Variants in DNAI1 observed in about 807,000 individuals in gnomAD.
DNAI1 encodes dynein axonemal intermediate chain 1, also known as dynein, axonemal, intermediate polypeptide 1.
DNAI1 carries 67 observed loss-of-function variants against 92.0 expected under a neutral mutation model. The observed-to-expected ratio is 0.73, with a 90% CI of 0.60 to 0.89. The LOEUF (loss-of-function observed/expected upper bound fraction) is 0.89. Among genes scored for constraint, DNAI1 ranks in the 40% least tolerant of loss-of-function variants. The pLI is 0.00. For missense variants in DNAI1, 839 were observed against 866.6 expected, an observed-to-expected ratio of 0.97 and a Z score of 0.40; for synonymous variants, 323 against 319.6, an observed-to-expected ratio of 1.01 and a Z score of -0.11.
At chr9:34,477,742 A>C (rs1415549646) in intron 1 of DNAI1, among the ~76,000 whole-genome samples, 2 of 152,104 alleles carry the variant, frequency 1.3e-5, no homozygotes, top group African/African-American at 4.8e-5. Context: ...GGTACACTTG[A>C]GTGAGAGGGG....
chr9:34,459,454 T>C (rs576887853), intron 1 of DNAI1, among the ~76,000 whole-genome samples: 33 of 151,310 alleles, frequency 2.2e-4, no homozygotes, highest in African/African-American at 6.8e-4. Context: ...TTCTTTCTTT[T>C]TTTTTTTTTG....
intron 13 of DNAI1, among the ~76,000 whole-genome samples, chr9:34,510,266 G>T (rs1172351871): frequency 6.6e-6 from 1 of 152,220 alleles, no homozygotes; most frequent in Non-Finnish European, 1.5e-5. Context: ...CCACAGCACA[G>T]GCTTCTTCTC....
At chr9:34,495,371 C>T (rs566535220) in intron 9 of DNAI1, among the ~76,000 whole-genome samples, 2 of 152,240 alleles carry the variant, frequency 1.3e-5, no homozygotes, top group African/African-American at 4.8e-5. Context: ...AGAGCATGGA[C>T]CCTGGAACCT....
At chr9:34,464,361 C>A (rs1482043611) in intron 1 of DNAI1, among the ~76,000 whole-genome samples, 3 of 152,186 alleles carry the variant, frequency 2.0e-5, no homozygotes, top group Non-Finnish European at 2.9e-5. Context: ...TGAGACCTAC[C>A]TGGGTCTCTA....
At position 34,517,377 on chromosome 9, in the gene DNAI1, C is replaced by T. The variant is rs1825189433; in HGVS notation, c.1911C>T (p.Phe637=). The T allele has an allele frequency of 4.3e-6, 7 of 1,614,084 alleles. No homozygotes were observed. The highest frequency in any genetic ancestry group is 5.9e-6 in the Non-Finnish European group (7 of 1,180,048). ...AKKNRLTHVQ[F]NLIHPIIIVG... is the part of the protein sequence containing the mutation. Reference sequence around the variant, plus strand: ...AGAACAGGCTCACCCACGTGCAGTTCAATCTCATCCACCCCATCATCATTG... The same window carrying T: ...AGAACAGGCTCACCCACGTGCAGTTTAATCTCATCCACCCCATCATCATTG... The change falls in exon 19 of 20, where the codon TTC becomes TTT. Residue 637 remains phenylalanine, a synonymous_variant. Coordinates refer to ENST00000242317, the MANE Select transcript of DNAI1 (RefSeq NM_012144.4).
intron 13 of DNAI1, among the ~76,000 whole-genome samples, chr9:34,511,858 T>C (rs563009980): frequency 1.3e-5 from 2 of 152,132 alleles, no homozygotes; most frequent in East Asian, 3.9e-4. Flanking sequence ...AGCCAGTAAA[T>C]TAAGGCAATG....
rs397515563 is a variant in DNAI1, at chr9:34,517,468, G to A, written c.2001+1G>A. The A allele has an allele frequency of 6.2e-7, 1 of 1,614,192 alleles. No individual in the cohort carries two copies. Among genetic ancestry groups the A allele is most frequent in the Non-Finnish European group, 8.5e-7 (1 of 1,180,026 alleles). ...ACCCAATTTGCGCAAGATGCCAAAG[G>A]TACAGGCTCTGGGACTTTGAGCTGC... On this transcript the variant is annotated splice_donor_variant, in intron 19 of 19. Transcript: ENST00000242317. LOFTEE classifies it high-confidence loss of function.
chr9:34,492,495 T>TAGATATAGATATAG (rs1182075090), intron 8 of DNAI1, among the ~76,000 whole-genome samples: 47 of 19,044 alleles, frequency 2.5e-3, no homozygotes, highest in Middle Eastern at 0.02. Context: ...GATATGAAGA[T>TAGATATAGATATAG]ATATATATAT....
At chr9:34,492,535 T>TCTA (rs1425684909) in intron 8 of DNAI1, among the ~76,000 whole-genome samples, 1 of 131,902 alleles carries the variant, frequency 7.6e-6, no homozygotes, top group African/African-American at 2.8e-5. Flanking sequence ...TATATATATA[T>TCTA]TTGAGACAAG....
rs752863173 is a variant in DNAI1 at position 34,492,493 on chromosome 9, GATATATATATATATATATATATATATAT to G, written c.682-686_682-659del. 2.9e-3 allele frequency among the ~76,000 whole-genome samples: 195 copies of G among 68,258 alleles called. 1 individual carries two copies. In the Middle Eastern group the frequency reaches 0.035, roughly 12 times the overall value. The allele number at this position is 68,258 out of a possible 152,430, so 44.8% of individuals were successfully genotyped here. On this transcript the variant is annotated intron_variant, in intron 8 of 19. Transcript: ENST00000242317. Reference sequence around the variant, plus strand: ...TCCGGGGTGGGGGTGGGGATATGAAGATATATATATATATATATATATATATATATATATATATATATTTGAGACAAGG... The same window carrying G: ...TCCGGGGTGGGGGTGGGGATATGAAGATATATATATATATTTGAGACAAGG...
At chr9:34,509,113 G>A (rs139781658) in intron 13 of DNAI1, among the ~76,000 whole-genome samples, 3,651 of 152,254 alleles carry the variant, frequency 0.024, 58 homozygotes, top group Non-Finnish European at 0.038. Context: ...GCAGGGCAGC[G>A]TGCTAAGTGC....
chr9:34,520,566 C>A, intron 19 of DNAI1, 92 bp from the exon 20 acceptor site: 1 of 1,196,790 alleles, frequency 8.4e-7, no homozygotes, highest in Non-Finnish European at 1.2e-6. Flanking sequence ...GGGTAGGGCA[C>A]AGCTGGACAG....
intron 2 of DNAI1, among the ~76,000 whole-genome samples, chr9:34,484,216 AATAAATAAAT>A (rs1824429145): frequency 6.6e-6 from 1 of 152,214 alleles, no homozygotes; most frequent in Non-Finnish European, 1.5e-5. Flanking sequence ...CTCCATCTCA[AATAAATAAAT>A]AAAAATAAAT....
At chr9:34,464,365 G>A (rs922184854) in intron 1 of DNAI1, among the ~76,000 whole-genome samples, 1 of 152,096 alleles carries the variant, frequency 6.6e-6, no homozygotes, top group African/African-American at 2.4e-5. Flanking sequence ...ACCTACCTGG[G>A]TCTCTATACC....
intron 1 of DNAI1, among the ~76,000 whole-genome samples, chr9:34,468,945 T>C (rs72735231): frequency 0.05 from 7,549 of 152,138 alleles, 273 homozygotes; most frequent in Non-Finnish European, 0.065. Flanking sequence ...ATATATGTAT[T>C]TGGAACATGG....
At position 34,493,348 on chromosome 9, in the gene DNAI1, A is replaced by G. The variant is rs1824649518; in HGVS notation, c.816+20A>G. On this transcript the variant is annotated intron_variant, in intron 9 of 19. Transcript: ENST00000242317. Reference sequence around the variant, plus strand: ...TCTCAGGTTTGGTGTTAGTTCCTACAGCTCTGCCACAGAATTTCTGAATGA... The same window carrying G: ...TCTCAGGTTTGGTGTTAGTTCCTACGGCTCTGCCACAGAATTTCTGAATGA... 3 of 1,614,030 alleles carry G rather than the reference A, an allele frequency of 1.9e-6. No homozygotes were observed. The highest frequency in any genetic ancestry group is 1.7e-4 in the Middle Eastern group (1 of 6,050).
intron 1 of DNAI1, among the ~76,000 whole-genome samples, chr9:34,481,353 G>T (rs1824350329): frequency 6.6e-6 from 1 of 152,216 alleles, no homozygotes; most frequent in Admixed American, 6.5e-5. Context: ...TAAATTCCCA[G>T]TGCTAAGTTA....
At chr9:34,464,049 T>C (rs943808633) in intron 1 of DNAI1, among the ~76,000 whole-genome samples, 1 of 152,134 alleles carries the variant, frequency 6.6e-6, no homozygotes, top group African/African-American at 2.4e-5. Flanking sequence ...GATATGATCT[T>C]TTACTCCCTT....
chr9:34,480,966 C>T (rs550834066), intron 1 of DNAI1, among the ~76,000 whole-genome samples: 4 of 150,902 alleles, frequency 2.7e-5, no homozygotes, highest in South Asian at 4.2e-4. Flanking sequence ...ATAGGCTGGG[C>T]GTGGTGGCTT....
Sources: gnomAD v4.1 joint callset for allele counts (sites outside exome capture counted in the v4.1 genomes callset) on GRCh38, gnomAD v4.1.1 for gene constraint, MANE v1.5 for transcripts, NCBI Gene and HGNC (gene_info 2026-07-23, HGNC 2026-07-21) for gene names.